Variants in SLC1A1 observed in about 807,000 individuals in gnomAD.
SLC1A1 encodes excitatory amino acid transporter 3.
A neutral mutation model predicts 53.3 loss-of-function variants in SLC1A1; 43 were observed. That is an observed-to-expected ratio of 0.81 (90% confidence interval 0.63 to 1.04). The LOEUF (loss-of-function observed/expected upper bound fraction) is 1.04, where lower values mean the gene tolerates loss of function less well. Among genes scored for constraint, SLC1A1 ranks in the 50% least tolerant of loss-of-function variants. SLC1A1 has a pLI of 0.00. For missense variants in SLC1A1, 748 were observed against 664.9 expected (o/e 1.12, Z -1.37); for synonymous variants, 307 against 243.2 (o/e 1.26, Z -2.44).
intron 6 of SLC1A1, among the ~76,000 whole-genome samples, chr9:4,571,658 CAG>C (rs1820064203): frequency 6.6e-6 from 1 of 150,618 alleles, no homozygotes; most frequent in Admixed American, 6.7e-5. Flanking sequence ...GCCTGGGTAA[CAG>C]AGCGAGACTC....
At chr9:4,581,719 C>T (rs532109403) in intron 10 of SLC1A1, among the ~76,000 whole-genome samples, 1 of 152,176 alleles carries the variant, frequency 6.6e-6, no homozygotes, top group African/African-American at 2.4e-5. Context: ...AGGCCAGAAA[C>T]CTTTGAGACT....
At chr9:4,543,399 G>C (rs1332809940) in intron 1 of SLC1A1, among the ~76,000 whole-genome samples, 1 of 152,134 alleles carries the variant, frequency 6.6e-6, no homozygotes, top group East Asian at 1.9e-4. Context: ...TGTGTATATT[G>C]GGAGAAGGAA....
At chr9:4,575,822 G>T (rs1345059634) in intron 8 of SLC1A1, among the ~76,000 whole-genome samples, 179 bp from the exon 9 acceptor site, 1 of 152,190 alleles carries the variant, frequency 6.6e-6, no homozygotes, top group Non-Finnish European at 1.5e-5. Context: ...CATGTGCTGA[G>T]AGAGCCTCTA....
intron 1 of SLC1A1, among the ~76,000 whole-genome samples, chr9:4,518,808 G>GA (rs1330614771): frequency 6.6e-6 from 1 of 152,192 alleles, no homozygotes; most frequent in Non-Finnish European, 1.5e-5. Context: ...AAGGAAGAAA[G>GA]AAGAAGAATT....
At chr9:4,580,647 GTGTGTA>G (rs1820998894) in intron 10 of SLC1A1, among the ~76,000 whole-genome samples, 1 of 132,602 alleles carries the variant, frequency 7.5e-6, no homozygotes, top group African/African-American at 2.8e-5. Context: ...GTGTGTGTGT[GTGTGTA>G]TAAGGAATAA....
intron 10 of SLC1A1, among the ~76,000 whole-genome samples, chr9:4,577,721 C>T (rs779945267): frequency 1.2e-4 from 19 of 152,146 alleles, no homozygotes; most frequent in Non-Finnish European, 2.5e-4. Context: ...GTGATTTGCC[C>T]ACCTCAGACT....
chr9:4,536,066 T>C (rs1192693327), intron 1 of SLC1A1, among the ~76,000 whole-genome samples: 2 of 152,136 alleles, frequency 1.3e-5, no homozygotes, highest in Admixed American at 6.5e-5. Context: ...AAGACTTAAA[T>C]GTTAGACCTA....
intron 1 of SLC1A1, among the ~76,000 whole-genome samples, chr9:4,493,359 ATTTG>A (rs1406742570): frequency 2.0e-5 from 3 of 152,142 alleles, no homozygotes; most frequent in Non-Finnish European, 4.4e-5. Flanking sequence ...GTAAGGGCTG[ATTTG>A]TTTAATTGAC....
chr9:4,510,552 A>G (rs955504920), intron 1 of SLC1A1, among the ~76,000 whole-genome samples: 1 of 152,150 alleles, frequency 6.6e-6, no homozygotes, highest in East Asian at 1.9e-4. Flanking sequence ...GGGGTTTAAT[A>G]TCATCTGGAC....
intron 1 of SLC1A1, among the ~76,000 whole-genome samples, chr9:4,542,498 A>G (rs1206160552): frequency 1.3e-5 from 2 of 152,216 alleles, no homozygotes; most frequent in Admixed American, 1.3e-4. Context: ...ATTGGGGCAC[A>G]TGGGTTTCTC....
At chr9:4,491,614 T>C (rs999308771) in intron 1 of SLC1A1, among the ~76,000 whole-genome samples, 1 of 152,180 alleles carries the variant, frequency 6.6e-6, no homozygotes, top group Non-Finnish European at 1.5e-5. Context: ...GTTATTCCTA[T>C]TTAGATTCTG....
Position 4,576,581 on chromosome 9 carries a change from G to C in SLC1A1, c.1011G>C (p.Leu337=), listed in dbSNP as rs746224512. The part of the protein sequence containing the change: ...ALMISSSSAT[L]PVTFRCAEEN... The stretch of plus-strand genomic sequence containing the variant: ...TTTTATCACACAGTTCAGCAACACT[G>C]CCTGTCACCTTCCGCTGTGCTGAAG... The change falls in exon 10 of 12, where the codon CTG becomes CTC. Residue 337 remains leucine, a synonymous_variant. Coordinates refer to ENST00000262352, the MANE Select transcript of SLC1A1 (RefSeq NM_004170.6). 6.2e-7 allele frequency: 1 copy of C among 1,614,010 alleles called. No individual in the cohort carries two copies. Among genetic ancestry groups the C allele is most frequent in the Non-Finnish European group, 8.5e-7 (1 of 1,179,836 alleles).
chr9:4,494,923 T>C (rs796775469), intron 1 of SLC1A1, among the ~76,000 whole-genome samples: 10 of 152,322 alleles, frequency 6.6e-5, no homozygotes, highest in African/African-American at 2.2e-4. Context: ...CTTAGAGCTA[T>C]TCAGAAAAAG....
At chr9:4,567,549 G>C in intron 5 of SLC1A1, 120 bp from the exon 6 acceptor site, 1 of 708,602 alleles carries the variant, frequency 1.4e-6, no homozygotes, top group South Asian at 1.5e-5. Flanking sequence ...AGAGGCATTG[G>C]ATGTAGATCC....
intron 8 of SLC1A1, among the ~76,000 whole-genome samples, chr9:4,575,572 A>G (rs796777953): frequency 2.2e-4 from 34 of 152,298 alleles, no homozygotes; most frequent in African/African-American, 8.2e-4. Flanking sequence ...CAGGGTGCCA[A>G]GGAAGGAAGG....
chr9:4,509,242 G>A (rs1820910027), intron 1 of SLC1A1, among the ~76,000 whole-genome samples: 2 of 152,182 alleles, frequency 1.3e-5, no homozygotes, highest in Non-Finnish European at 2.9e-5. Flanking sequence ...GACTGGATCT[G>A]CTGGGATTGG....
chr9:4,518,411 G>A (rs891763337), intron 1 of SLC1A1, among the ~76,000 whole-genome samples: 1 of 151,704 alleles, frequency 6.6e-6, no homozygotes, highest in East Asian at 1.9e-4. Context: ...CTGTCACCCA[G>A]GCTGGAGTGC....
Position 4,585,329 on chromosome 9 carries a change from T to C in SLC1A1, c.1346T>C (p.Met449Thr), listed in dbSNP as rs200971678. ...CTCCCCAGGGACCGGTTCAGGACCA[T>C]GGTCAACGTCCTTGGTGATGCTTTT... ...VDWLLDRFRT[M>T]VNVLGDAFGT... is the part of the protein sequence containing the mutation. The change falls in exon 12 of 12, where the codon ATG becomes ACG. Residue 449 changes from methionine to threonine, a missense_variant. Met to Thr is a moderately conservative substitution (Grantham distance 81). Transcript: ENST00000262352. 219 of 1,613,912 alleles carry C rather than the reference T, an allele frequency of 1.4e-4. No homozygotes were observed. Among genetic ancestry groups the C allele is most frequent in the Non-Finnish European group, 1.7e-4 (198 of 1,179,954 alleles).
chr9:4,497,114 G>A (rs1418147015), intron 1 of SLC1A1, among the ~76,000 whole-genome samples: 2 of 151,950 alleles, frequency 1.3e-5, no homozygotes, highest in Admixed American at 6.6e-5. Flanking sequence ...ACCACAAACC[G>A]GGTGGTTTTA....
Sources: allele counts gnomAD v4.1 joint callset (sites outside exome capture counted in the v4.1 genomes callset), GRCh38; gene constraint gnomAD v4.1.1; transcripts MANE v1.5; gene names NCBI Gene and HGNC (gene_info 2026-07-23, HGNC 2026-07-21).